Variants in COL19A1 observed in about 807,000 individuals in gnomAD.
The protein encoded by COL19A1 is collagen alpha-1(XIX) chain.
Under a neutral mutation model 190.2 loss-of-function variants are expected in COL19A1, and 159 were observed. That is an observed-to-expected ratio of 0.84 (90% CI 0.73 to 0.95). The LOEUF is 0.95. COL19A1 is among the 40% of genes least tolerant of loss of function. The pLI is 0.00. For missense variants in COL19A1, 1,418 were observed against 1,431.9 expected, an observed-to-expected ratio of 0.99 and a Z score of 0.16; for synonymous variants, 509 against 458.9, an observed-to-expected ratio of 1.11 and a Z score of -1.39.
intron 31 of COL19A1, among the ~76,000 whole-genome samples, chr6:70,153,451 A>G (rs145131280): frequency 1.0e-3 from 156 of 152,278 alleles, no homozygotes; most frequent in African/African-American, 3.5e-3. Context: ...TCCATGAGAA[A>G]ATCTTAAGAC....
rs537657458 is a variant in COL19A1, at chr6:70,072,242, C to T, written c.1224+3766C>T. Among the ~76,000 whole-genome samples the T allele has an allele frequency of 7.9e-5, 12 of 152,204 alleles. No homozygotes were observed. The East Asian group carries it at 2.1e-3, about 27-fold the overall frequency. The stretch of plus-strand genomic sequence containing the variant: ...TTAGTATTCCTAACAAACAGACTCT[C>T]CCCAAAAATAATGAAAACAATAATT... On this transcript the variant is annotated intron_variant, in intron 15 of 50. Transcript: ENST00000620364.
intron 14 of COL19A1, among the ~76,000 whole-genome samples, chr6:70,042,417 T>C (rs567259398): frequency 1.3e-5 from 2 of 152,358 alleles, no homozygotes; most frequent in Admixed American, 6.5e-5. Context: ...ATTTATATTA[T>C]GCAAAAACAA....
intron 44 of COL19A1, among the ~76,000 whole-genome samples, chr6:70,181,393 T>C (rs567192962): frequency 5.9e-5 from 9 of 152,236 alleles, no homozygotes; most frequent in African/African-American, 1.9e-4. Flanking sequence ...TTAAGTGCCA[T>C]GACATATGGA....
chr6:70,044,101 T>C lies in COL19A1; in HGVS notation c.1170+8162T>C, dbSNP rs1298680913. On this transcript the variant is annotated intron_variant, in intron 14 of 50. Transcript: ENST00000620364. Reference sequence around the variant, plus strand: ...AGACGGCTTCTTTCCTTAAACATCATGAACCAACTTCTGCTAGCTTCAAAC... The same window carrying C: ...AGACGGCTTCTTTCCTTAAACATCACGAACCAACTTCTGCTAGCTTCAAAC... 2.0e-5 allele frequency among the ~76,000 whole-genome samples: 3 copies of C among 152,228 alleles called. No homozygotes were observed. In the South Asian group the frequency reaches 6.2e-4, roughly 32 times the overall value.
chr6:70,116,773 T>C (rs976421561), intron 16 of COL19A1, among the ~76,000 whole-genome samples: 1 of 152,202 alleles, frequency 6.6e-6, no homozygotes, highest in African/African-American at 2.4e-5. Flanking sequence ...ATTCTATCTG[T>C]TCTTACAGAA....
chr6:70,150,729 A>G (rs1017295545), intron 30 of COL19A1, among the ~76,000 whole-genome samples: 1 of 152,144 alleles, frequency 6.6e-6, no homozygotes, highest in Non-Finnish European at 1.5e-5. Flanking sequence ...TTTGGGCCTT[A>G]TGTGCCTTTA....
intron 15 of COL19A1, among the ~76,000 whole-genome samples, chr6:70,091,075 G>C (rs1295069330): frequency 6.6e-6 from 1 of 152,022 alleles, no homozygotes; most frequent in African/African-American, 2.4e-5. Flanking sequence ...GCCTTACCCT[G>C]CTTTATTTTT....
intron 12 of COL19A1, among the ~76,000 whole-genome samples, chr6:70,032,847 C>A (rs1479459770): frequency 6.6e-6 from 1 of 152,100 alleles, no homozygotes; most frequent in Non-Finnish European, 1.5e-5. Context: ...AATAATAAAT[C>A]TATTCACAGA....
chr6:70,120,241 A>C (rs775739085), intron 16 of COL19A1, among the ~76,000 whole-genome samples: 1 of 152,198 alleles, frequency 6.6e-6, no homozygotes, highest in Non-Finnish European at 1.5e-5. Flanking sequence ...TATGAAGTTA[A>C]ATTTACCTAC....
At position 70,036,043 on chromosome 6, in the gene COL19A1, T is replaced by C. The variant is rs1394067896; in HGVS notation, c.1170+104T>C. 7.2e-6 allele frequency: 8 copies of C among 1,111,460 alleles called. No homozygotes were observed. The African/African-American group carries it at 7.8e-5, about 11-fold the overall frequency. 68.8% of individuals were successfully genotyped at this position (1,111,460 alleles called of 1,614,324 possible). ...AGAATTTAAGTCACAGAGTTAAGAA[T>C]TGAAGGTGACTTCGAGTACATGTAG... On this transcript the variant is annotated intron_variant, in intron 14 of 50. Transcript: ENST00000620364.
intron 14 of COL19A1, among the ~76,000 whole-genome samples, chr6:70,043,222 C>T (rs1382160807): frequency 1.3e-4 from 20 of 149,106 alleles, no homozygotes; most frequent in African/African-American, 3.5e-4. Context: ...GAAGGAGTCT[C>T]GCTCTGTCGC....
Position 69,886,618 on chromosome 6 carries a change from T to G in COL19A1, c.91+6960T>G, listed in dbSNP as rs190284820. On this transcript the variant is annotated intron_variant, in intron 2 of 50. Coordinates refer to ENST00000620364, the MANE Select transcript of COL19A1 (RefSeq NM_001858.6). ...ATGGATGAATGGAAAAAGCAGTGCG[T>G]TTTTTTTTTTTGTGTGGTGAAATTT... is the stretch of plus-strand genomic sequence containing the variant. 6.5e-3 allele frequency among the ~76,000 whole-genome samples: 922 copies of G among 141,440 alleles called. 38 individuals are homozygous for G. The highest frequency in any genetic ancestry group is 0.059 in the Admixed American group (857 of 14,450). 92.8% of individuals were successfully genotyped at this position (141,440 alleles called of 152,430 possible). A position where few individuals can be genotyped will look rare whatever the true frequency, so the allele number is the denominator to read the frequency against.
At chr6:69,962,292 G>T (rs1774846861) in intron 10 of COL19A1, among the ~76,000 whole-genome samples, 1 of 152,200 alleles carries the variant, frequency 6.6e-6, no homozygotes, top group Admixed American at 6.5e-5. Flanking sequence ...CTGTGACTGA[G>T]CCAGCATAGT....
chr6:70,072,272 T>C (rs573230911), intron 15 of COL19A1, among the ~76,000 whole-genome samples: 2 of 152,216 alleles, frequency 1.3e-5, no homozygotes, highest in Non-Finnish European at 2.9e-5. Flanking sequence ...ATAATTTTTA[T>C]GTAACCTTGA....
intron 9 of COL19A1, among the ~76,000 whole-genome samples, chr6:69,954,965 T>A (rs1231414915): frequency 2.0e-5 from 3 of 152,158 alleles, no homozygotes; most frequent in Non-Finnish European, 4.4e-5. Flanking sequence ...AGCTGACTGA[T>A]GACACTGTCC....
chr6:70,114,326 G>A (rs1784444483), intron 16 of COL19A1, among the ~76,000 whole-genome samples: 1 of 152,184 alleles, frequency 6.6e-6, no homozygotes, highest in Non-Finnish European at 1.5e-5. Flanking sequence ...ACTGTGAGGT[G>A]GTTTAGGGGA....
Position 70,185,027 on chromosome 6 carries a change from G to A in COL19A1, c.2856+112G>A, listed in dbSNP as rs372389740. ...CCCTGCAAATCACCAAATCTATAAA[G>A]GCTAGGGTGTAGGCGATCAAAGATC... On this transcript the variant is annotated intron_variant, in intron 46 of 50. Transcript: ENST00000620364. The A allele has an allele frequency of 4.0e-6, 4 of 988,008 alleles. No individual in the cohort carries two copies. In the African/African-American group the frequency reaches 4.9e-5, roughly 12 times the overall value. 61.2% of individuals were successfully genotyped at this position (988,008 alleles called of 1,614,324 possible).
chr6:70,172,042 T>A, intron 41 of COL19A1, 25 bp downstream of exon 41: 1 of 1,602,924 alleles, frequency 6.2e-7, no homozygotes, highest in Non-Finnish European at 8.5e-7. Flanking sequence ...TAGAAATGTG[T>A]TCATTTATTC....
At chr6:70,112,222 G>C (rs1784323057) in intron 16 of COL19A1, among the ~76,000 whole-genome samples, 1 of 152,062 alleles carries the variant, frequency 6.6e-6, no homozygotes, top group African/African-American at 2.4e-5. Context: ...GGTTTTTGTT[G>C]GTGGTGATCT....
Sources: allele counts gnomAD v4.1 joint callset (sites outside exome capture counted in the v4.1 genomes callset), GRCh38; gene constraint gnomAD v4.1.1; transcripts MANE v1.5; gene names NCBI Gene and HGNC (gene_info 2026-07-23, HGNC 2026-07-21).